CDK14: variants seen among roughly 807,000 people sequenced by gnomAD.
CDK14 encodes the protein cyclin-dependent kinase 14.
CDK14 carries 34 observed loss-of-function variants against 60.7 expected under a neutral mutation model. That is an observed-to-expected ratio of 0.56 (90% CI 0.43 to 0.75). CDK14 has a LOEUF of 0.75. Among genes scored for constraint, CDK14 ranks in the 30% least tolerant of loss-of-function variants. The pLI, the probability that CDK14 is intolerant of heterozygous loss-of-function variation, is 0.00. For missense variants in CDK14, 482 were observed against 564.1 expected (o/e 0.85, Z 1.47); for synonymous variants, 197 against 203.7 (o/e 0.97, Z 0.28).
intron 2 of CDK14, among the ~76,000 whole-genome samples, chr7:90,723,022 C>T (rs1312451022): frequency 6.6e-6 from 1 of 152,052 alleles, no homozygotes; most frequent in Non-Finnish European, 1.5e-5. Context: ...CTTGAATTTT[C>T]CCTGTTTTTA....
chr7:91,041,812 A>G (rs754902110), intron 10 of CDK14, among the ~76,000 whole-genome samples: 12 of 152,182 alleles, frequency 7.9e-5, no homozygotes, highest in Non-Finnish European at 1.5e-4. Context: ...CCCATCCTGT[A>G]GCCCAACCTG....
intron 5 of CDK14, among the ~76,000 whole-genome samples, chr7:90,858,951 T>C (rs746945371): frequency 2.0e-5 from 3 of 152,238 alleles, no homozygotes; most frequent in Non-Finnish European, 2.9e-5. Flanking sequence ...TCAAAGTTAA[T>C]GTGCTGTGAT....
chr7:91,160,087 C>G (rs569949394), intron 14 of CDK14, among the ~76,000 whole-genome samples: 1 of 152,064 alleles, frequency 6.6e-6, no homozygotes, highest in African/African-American at 2.4e-5. Context: ...GGAATGTGAT[C>G]CACTCAGATT....
intron 10 of CDK14, among the ~76,000 whole-genome samples, chr7:91,007,372 C>A (rs1434691596): frequency 2.0e-5 from 3 of 152,228 alleles, no homozygotes; most frequent in Non-Finnish European, 4.4e-5. Flanking sequence ...ACCAGACTTT[C>A]CTGGGACTTA....
chr7:90,796,749 T>C (rs1232403497), intron 5 of CDK14, among the ~76,000 whole-genome samples: 1 of 150,426 alleles, frequency 6.6e-6, no homozygotes, highest in Non-Finnish European at 1.5e-5. Flanking sequence ...TTTAGGGATT[T>C]TGAGCTCATG....
chr7:90,627,685 G>A (rs1799905898), intron 2 of CDK14, among the ~76,000 whole-genome samples: 1 of 152,044 alleles, frequency 6.6e-6, no homozygotes, highest in South Asian at 2.1e-4. Context: ...ACTAATTGTG[G>A]GATTAATGAT....
chr7:90,698,229 T>C (rs959985814), intron 2 of CDK14, among the ~76,000 whole-genome samples: 1 of 152,172 alleles, frequency 6.6e-6, no homozygotes, highest in Non-Finnish European at 1.5e-5. Context: ...TATACTGTTC[T>C]GGTACTACAT....
At chr7:90,655,770 C>T (rs1161802903) in intron 2 of CDK14, among the ~76,000 whole-genome samples, 1 of 152,146 alleles carries the variant, frequency 6.6e-6, no homozygotes, top group Non-Finnish European at 1.5e-5. Context: ...TCAAGACTTC[C>T]TGTGGCCACC....
At chr7:91,191,727 T>G (rs1045092305) in intron 14 of CDK14, among the ~76,000 whole-genome samples, 1 of 152,102 alleles carries the variant, frequency 6.6e-6, no homozygotes, top group African/African-American at 2.4e-5. Context: ...AGGAATGGTC[T>G]TCTTGCATTT....
chr7:91,198,766 C>T (rs1226239015), intron 14 of CDK14, among the ~76,000 whole-genome samples: 5 of 152,158 alleles, frequency 3.3e-5, no homozygotes, highest in Non-Finnish European at 5.9e-5. Flanking sequence ...TCGTAGGTGA[C>T]TGTATGTTTG....
chr7:90,823,197 C>T (rs1789611236), intron 5 of CDK14, among the ~76,000 whole-genome samples: 2 of 152,144 alleles, frequency 1.3e-5, no homozygotes, highest in South Asian at 4.1e-4. Context: ...AATCAAAATT[C>T]ATGTTCAAAG....
At chr7:91,198,020 G>A (rs949618994) in intron 14 of CDK14, among the ~76,000 whole-genome samples, 4 of 152,174 alleles carry the variant, frequency 2.6e-5, no homozygotes, top group Non-Finnish European at 5.9e-5. Flanking sequence ...GAGTTGGCAG[G>A]GGGCTTAGCG....
At chr7:91,099,075 A>G (rs996638471) in intron 12 of CDK14, among the ~76,000 whole-genome samples, 3 of 152,146 alleles carry the variant, frequency 2.0e-5, no homozygotes, top group Non-Finnish European at 4.4e-5. Flanking sequence ...AGTGCTACTT[A>G]TAGTTGAAGG....
chr7:91,025,020 C>T (rs1166865903), intron 10 of CDK14, among the ~76,000 whole-genome samples: 1 of 152,106 alleles, frequency 6.6e-6, no homozygotes, highest in African/African-American at 2.4e-5. Context: ...ATTTAGGAAT[C>T]AAGGATATAA....
intron 14 of CDK14, among the ~76,000 whole-genome samples, chr7:91,185,076 G>T (rs1372918847): frequency 6.7e-6 from 1 of 149,626 alleles, no homozygotes; most frequent in East Asian, 1.9e-4. Flanking sequence ...ACAAGTGTTT[G>T]TTCATGTATT....
At chr7:91,032,360 G>A (rs1319331071) in intron 10 of CDK14, among the ~76,000 whole-genome samples, 3 of 152,096 alleles carry the variant, frequency 2.0e-5, no homozygotes, top group Non-Finnish European at 4.4e-5. Context: ...TTACTCTGTA[G>A]TAGGTTAAAT....
At chr7:91,005,648 C>G (rs1476486936) in intron 10 of CDK14, among the ~76,000 whole-genome samples, 3 of 152,196 alleles carry the variant, frequency 2.0e-5, no homozygotes, top group Admixed American at 2.0e-4. Context: ...ATTCAGTTGA[C>G]TTGTGGTCAG....
intron 2 of CDK14, among the ~76,000 whole-genome samples, chr7:90,696,190 A>C (rs2116600111): frequency 6.6e-6 from 1 of 152,272 alleles, no homozygotes; most frequent in East Asian, 1.9e-4. Flanking sequence ...AGCAGAGTAC[A>C]ATCAAGGATT....
intron 2 of CDK14, among the ~76,000 whole-genome samples, chr7:90,608,190 T>C (rs1202481260): frequency 6.6e-6 from 1 of 152,204 alleles, no homozygotes; most frequent in Non-Finnish European, 1.5e-5. Context: ...GACCAGACCA[T>C]GTCCTTAAGT....
Sources: allele counts gnomAD v4.1 joint callset (sites outside exome capture counted in the v4.1 genomes callset), GRCh38; gene constraint gnomAD v4.1.1; transcripts MANE v1.5; gene names NCBI Gene and HGNC (gene_info 2026-07-23, HGNC 2026-07-21).